The following MSH3 variants were observed in gnomAD, a reference collection of about 807,000 sequenced individuals.
MSH3 encodes the protein DNA mismatch repair protein Msh3.
In MSH3, 106 loss-of-function variants were observed where a neutral mutation model predicts 123.3. The observed-to-expected ratio is 0.86, with a 90% confidence interval of 0.73 to 1.01. The LOEUF is 1.01. Among genes scored for constraint, MSH3 ranks in the 50% least tolerant of loss-of-function variants. MSH3 has a pLI of 0.00. For missense variants in MSH3, 1,459 were observed against 1,347.6 expected, an observed-to-expected ratio of 1.08 and a Z score of -1.29; for synonymous variants, 515 against 481.4, an observed-to-expected ratio of 1.07 and a Z score of -0.91.
chr5:80,701,008 T>C (rs966040887), intron 8 of MSH3, among the ~76,000 whole-genome samples: 3 of 152,212 alleles, frequency 2.0e-5, no homozygotes, highest in Non-Finnish European at 2.9e-5. Flanking sequence ...GAGGATTTAA[T>C]TGCATAAAGA....
intron 9 of MSH3, among the ~76,000 whole-genome samples, chr5:80,727,116 G>T (rs1743315950): frequency 6.6e-6 from 1 of 152,198 alleles, no homozygotes; most frequent in Non-Finnish European, 1.5e-5. Context: ...AAAAGTCAAC[G>T]CACTAAGGGA....
intron 8 of MSH3, among the ~76,000 whole-genome samples, chr5:80,692,701 TAC>T (rs1268029950): frequency 1.5e-5 from 2 of 137,694 alleles, no homozygotes; most frequent in African/African-American, 5.3e-5. Flanking sequence ...TAAATATACA[TAC>T]ACATGTATAT....
At chr5:80,672,045 G>A (rs1468930331) in intron 4 of MSH3, among the ~76,000 whole-genome samples, 199 bp from the exon 5 acceptor site, 1 of 152,072 alleles carries the variant, frequency 6.6e-6, no homozygotes, top group Non-Finnish European at 1.5e-5. Context: ...TAGGTCACTG[G>A]AACTGCCCAA....
chr5:80,667,656 G>A lies in MSH3; in HGVS notation c.579+2293G>A, dbSNP rs561214350. 4.6e-5 allele frequency among the ~76,000 whole-genome samples: 7 copies of A among 152,312 alleles called. No individual in the cohort carries two copies. The East Asian group carries it at 1.4e-3, about 29-fold the overall frequency. On this transcript the variant is annotated intron_variant, in intron 3 of 23. Transcript: ENST00000265081. ...CCAGGCATGCTGGCTTCGGCAGGGT[G>A]GGCAGCTCCAGGTGCCAGCGTGAGT...
At chr5:80,748,025 A>G (rs938360975) in intron 12 of MSH3, among the ~76,000 whole-genome samples, 3 of 152,166 alleles carry the variant, frequency 2.0e-5, no homozygotes, top group Non-Finnish European at 4.4e-5. Context: ...CATCCAGACA[A>G]ATATTCTGTC....
At chr5:80,688,941 A>T (rs1263355714) in intron 8 of MSH3, among the ~76,000 whole-genome samples, 1 of 152,168 alleles carries the variant, frequency 6.6e-6, no homozygotes, top group Non-Finnish European at 1.5e-5. Context: ...AGTCATTTCA[A>T]TATAATTCTT....
At chr5:80,804,711 G>A (rs968634672) in intron 19 of MSH3, among the ~76,000 whole-genome samples, 3 of 152,200 alleles carry the variant, frequency 2.0e-5, no homozygotes. Flanking sequence ...CACTGGGACT[G>A]CACTGGGTCT....
intron 20 of MSH3, among the ~76,000 whole-genome samples, chr5:80,848,905 T>C (rs1433171640): frequency 6.6e-6 from 1 of 152,180 alleles, no homozygotes; most frequent in Non-Finnish European, 1.5e-5. Context: ...TATTTCAGCA[T>C]TAACTTAAAA....
rs1746256342 is a variant in MSH3, at chr5:80,873,379, T to G, written c.3302+92T>G. 4 of 1,314,878 alleles carry G rather than the reference T, an allele frequency of 3.0e-6. No homozygotes were observed. The East Asian group carries it at 7.2e-5, about 24-fold the overall frequency. The allele number at this position is 1,314,878 out of a possible 1,614,324, so 81.5% of individuals were successfully genotyped here. A position where few individuals can be genotyped will look rare whatever the true frequency, so the allele number is the denominator to read the frequency against. ...GAGCGTCCTAAAAATGAACATCAGGTCTACTTTTAAGCACCTCTTCAAATA... is the reference window on the plus strand; with the variant it reads ...GAGCGTCCTAAAAATGAACATCAGGGCTACTTTTAAGCACCTCTTCAAATA... On this transcript the variant is annotated intron_variant, in intron 23 of 23. Transcript: ENST00000265081.
intron 10 of MSH3, among the ~76,000 whole-genome samples, chr5:80,736,070 CA>C (rs1175059499): frequency 6.6e-6 from 1 of 151,832 alleles, no homozygotes; most frequent in African/African-American, 2.4e-5. Flanking sequence ...TCCAAAAATA[CA>C]AAAAATTAGC....
At chr5:80,770,028 T>C (rs1412782344) in intron 15 of MSH3, among the ~76,000 whole-genome samples, 1 of 152,154 alleles carries the variant, frequency 6.6e-6, no homozygotes, top group Non-Finnish European at 1.5e-5. Context: ...CAATGCCACA[T>C]AGAGCTCTAT....
chr5:80,811,590 TTC>T (rs1323115275), intron 19 of MSH3, among the ~76,000 whole-genome samples: 1 of 152,192 alleles, frequency 6.6e-6, no homozygotes, highest in Non-Finnish European at 1.5e-5. Flanking sequence ...TCTTGTTTTG[TTC>T]TCTGGAAGAA....
At chr5:80,770,693 TATTA>T (rs1469178102) in intron 15 of MSH3, among the ~76,000 whole-genome samples, 3 of 152,234 alleles carry the variant, frequency 2.0e-5, no homozygotes, top group African/African-American at 4.8e-5. Flanking sequence ...TCATTCCATT[TATTA>T]ATTCCAAATA....
At chr5:80,737,934 C>T (rs1051068452) in intron 10 of MSH3, among the ~76,000 whole-genome samples, 3 of 152,026 alleles carry the variant, frequency 2.0e-5, no homozygotes, top group Non-Finnish European at 2.9e-5. Flanking sequence ...ACTCTTAGTG[C>T]ATCTGATTTG....
At chr5:80,685,175 C>T (rs1484744829) in intron 8 of MSH3, among the ~76,000 whole-genome samples, 2 of 143,836 alleles carry the variant, frequency 1.4e-5, no homozygotes, top group Non-Finnish European at 3.0e-5. Context: ...ATACTGGCCT[C>T]GTAGAATGAG....
intron 2 of MSH3, among the ~76,000 whole-genome samples, chr5:80,657,896 T>A (rs1458021472): frequency 6.6e-6 from 1 of 152,158 alleles, no homozygotes; most frequent in East Asian, 1.9e-4. Flanking sequence ...GTTACAATTC[T>A]GGGGCAGCCT....
At chr5:80,804,805 C>T (rs1744859706) in intron 19 of MSH3, among the ~76,000 whole-genome samples, 1 of 152,166 alleles carries the variant, frequency 6.6e-6, no homozygotes, top group Non-Finnish European at 1.5e-5. Flanking sequence ...ACTCAAGGTC[C>T]TAGGGTCTAC....
chr5:80,679,182 GT>G, intron 8 of MSH3, 89 bp downstream of exon 8: 3 of 1,349,198 alleles, frequency 2.2e-6, no homozygotes, highest in Non-Finnish European at 3.2e-6. Flanking sequence ...GCTAAAAATA[GT>G]TTTTACTTAC....
chr5:80,691,457 G>A (rs1206619462), intron 8 of MSH3, among the ~76,000 whole-genome samples: 2 of 150,818 alleles, frequency 1.3e-5, no homozygotes, highest in African/African-American at 4.8e-5. Context: ...ATACTGGAAA[G>A]ATGCAACACG....
Sources: gnomAD v4.1 joint callset for allele counts (sites outside exome capture counted in the v4.1 genomes callset) on GRCh38, gnomAD v4.1.1 for gene constraint, MANE v1.5 for transcripts, NCBI Gene and HGNC (gene_info 2026-07-23, HGNC 2026-07-21) for gene names.